CRTAC1: variants seen among roughly 807,000 people sequenced by gnomAD.
CRTAC1 encodes acidic secreted protein in cartilage.
CRTAC1 carries 37 observed loss-of-function variants against 67.8 expected under a neutral mutation model. The observed-to-expected ratio is 0.55, with a 90% CI of 0.42 to 0.72. The LOEUF (loss-of-function observed/expected upper bound fraction) is 0.72, where lower values mean the gene tolerates loss of function less well. Ranked by LOEUF, CRTAC1 falls within the 30% of genes least tolerant of loss-of-function variation. The pLI, the probability that CRTAC1 is intolerant of heterozygous loss-of-function variation, is 0.00. For missense variants in CRTAC1, 780 were observed against 931.6 expected, an observed-to-expected ratio of 0.84 and a Z score of 2.12; for synonymous variants, 348 against 371.0, an observed-to-expected ratio of 0.94 and a Z score of 0.71.
chr10:97,991,612 T>G (rs141151188), intron 2 of CRTAC1, among the ~76,000 whole-genome samples: 1 of 152,172 alleles, frequency 6.6e-6, no homozygotes, highest in African/African-American at 2.4e-5. Flanking sequence ...GCACCTAGTA[T>G]GTGTCAGGTG....
intron 1 of CRTAC1, among the ~76,000 whole-genome samples, chr10:98,015,120 A>G (rs980747376): frequency 6.6e-6 from 1 of 152,270 alleles, no homozygotes; most frequent in Admixed American, 6.5e-5. Context: ...CAGCTTTAAA[A>G]ATGAAGGAAT....
chr10:97,948,249 C>G (rs1267998684), intron 2 of CRTAC1, among the ~76,000 whole-genome samples: 2 of 152,082 alleles, frequency 1.3e-5, no homozygotes, highest in Non-Finnish European at 2.9e-5. Context: ...GGGTAGCCAA[C>G]AGTGTCAGAT....
chr10:97,943,823 G>A (rs922631301), intron 2 of CRTAC1, among the ~76,000 whole-genome samples: 2 of 152,206 alleles, frequency 1.3e-5, no homozygotes, highest in Non-Finnish European at 2.9e-5. Flanking sequence ...AATTGCAATA[G>A]AGACCGTATG....
At chr10:98,027,100 G>A (rs1428083418) in intron 1 of CRTAC1, among the ~76,000 whole-genome samples, 1 of 151,680 alleles carries the variant, frequency 6.6e-6, no homozygotes, top group Admixed American at 6.6e-5. Context: ...CCGGGAGGCG[G>A]AGCTTGCAGT....
intron 2 of CRTAC1, among the ~76,000 whole-genome samples, chr10:97,960,906 C>T (rs917606789): frequency 8.5e-5 from 13 of 152,198 alleles, no homozygotes; most frequent in African/African-American, 2.7e-4. Context: ...AGCTCCTGAT[C>T]CCCACACTAT....
intron 2 of CRTAC1, among the ~76,000 whole-genome samples, chr10:98,003,742 T>C (rs1291172414): frequency 6.6e-6 from 1 of 152,256 alleles, no homozygotes; most frequent in Non-Finnish European, 1.5e-5. Flanking sequence ...GCCATTATTC[T>C]GTCTACCACA....
Position 97,927,222 on chromosome 10 carries a change from G to A in CRTAC1, c.422-3822C>T, listed in dbSNP as rs141555550. ...ACCTCCAGTTCCTCCTGTCCATCCC[G>A]AGCAACATTTCCCAAAGAGTGCTTT... On this transcript the variant is annotated intron_variant, in intron 3 of 14. Coordinates refer to ENST00000370597, the MANE Select transcript of CRTAC1 (RefSeq NM_018058.7). Among the ~76,000 whole-genome samples, 254 of 152,222 alleles carry A rather than the reference G, an allele frequency of 1.7e-3. 1 individual carries two copies. The highest frequency in any genetic ancestry group is 5.8e-3 in the African/African-American group (240 of 41,530).
chr10:98,007,853 G>A (rs771946247), intron 2 of CRTAC1, among the ~76,000 whole-genome samples: 7 of 152,174 alleles, frequency 4.6e-5, no homozygotes, highest in Non-Finnish European at 7.3e-5. Context: ...GGACACAAAG[G>A]CACATTTCTT....
At chr10:97,933,028 G>T (rs560320585) in intron 3 of CRTAC1, among the ~76,000 whole-genome samples, 2 of 152,236 alleles carry the variant, frequency 1.3e-5, no homozygotes, top group African/African-American at 4.8e-5. Context: ...TCCACAGGTC[G>T]CTCTAACACA....
intron 2 of CRTAC1, among the ~76,000 whole-genome samples, chr10:98,003,473 C>T (rs752680209): frequency 1.3e-5 from 2 of 152,200 alleles, no homozygotes; most frequent in Admixed American, 6.5e-5. Context: ...CCACATTCCT[C>T]GGCTCTTGGC....
chr10:97,871,300 GAGTC>G (rs1277344168), intron 14 of CRTAC1: 2 of 152,218 alleles, frequency 1.3e-5, no homozygotes, highest in Non-Finnish European at 2.9e-5. Context: ...ACTGTGAAGA[GAGTC>G]AGAGGGCTGT....
intron 14 of CRTAC1, chr10:97,871,078 G>A (rs988603497): frequency 3.3e-5 from 5 of 152,174 alleles, no homozygotes; most frequent in East Asian, 1.9e-4. Flanking sequence ...CCCAGCCTTC[G>A]GAGGTTTCCG....
In CRTAC1 at chr10:97,895,393, C is replaced by T. The variant is rs764750418; in HGVS notation, c.1338G>A (p.Leu446=). ...CAAACCGGGTGCGTGGCACCACTCGCAGCCAGTTGTTGTTGAAGCCCTGCA... is the reference window on the plus strand; with the variant it reads ...CAAACCGGGTGCGTGGCACCACTCGTAGCCAGTTGTTGTTGAAGCCCTGCA... The part of the protein sequence containing the change: ...RGNQGFNNNW[L]RVVPRTRFGA... Residue 446 remains leucine, a synonymous_variant, in exon 11 of 15, where the codon CTG becomes CTA. Transcript: ENST00000370597. This position sits in a 1 kb window ranked among gnomAD's most constrained non-coding sequence, Gnocchi z 4.2. 6.2e-7 allele frequency: 1 copy of T among 1,608,160 alleles called. No homozygotes were observed. Among genetic ancestry groups the T allele is most frequent in the East Asian group, 2.2e-5 (1 of 44,728 alleles).
In CRTAC1 at chr10:97,903,115, T is replaced by A. The variant is rs187836616; in HGVS notation, c.997-1476A>T. The stretch of plus-strand genomic sequence containing the variant: ...AAATAGGGCATTTATGTATTATTAG[T>A]ATTATTATTGCTCCTGAGAGCTCTG... On this transcript the variant is annotated intron_variant, in intron 7 of 14. Coordinates refer to ENST00000370597, the MANE Select transcript of CRTAC1 (RefSeq NM_018058.7). 7.7e-4 allele frequency among the ~76,000 whole-genome samples: 115 copies of A among 150,312 alleles called. 1 individual carries two copies. The highest frequency in any genetic ancestry group is 5.9e-4 in the Non-Finnish European group (40 of 67,584).
chr10:97,941,675 C>T (rs2051179386), intron 2 of CRTAC1, among the ~76,000 whole-genome samples: 1 of 152,118 alleles, frequency 6.6e-6, no homozygotes, highest in East Asian at 1.9e-4. Flanking sequence ...TCGTTTCTAC[C>T]TCCAAAAATG....
chr10:97,929,361 A>G (rs529173458), intron 3 of CRTAC1, among the ~76,000 whole-genome samples: 140 of 152,228 alleles, frequency 9.2e-4, no homozygotes, highest in Non-Finnish European at 1.7e-3. Context: ...GGGGAACAAG[A>G]GGGCACCTAG....
At chr10:98,025,440 G>A (rs1400234045) in intron 1 of CRTAC1, among the ~76,000 whole-genome samples, 4 of 152,104 alleles carry the variant, frequency 2.6e-5, no homozygotes, top group Non-Finnish European at 5.9e-5. Context: ...CAAGGATTTC[G>A]ATAAGGTAAA....
chr10:97,936,045 G>T (rs1001269051), intron 3 of CRTAC1, 125 bp downstream of exon 3: 2 of 852,778 alleles, frequency 2.3e-6, no homozygotes, highest in Non-Finnish European at 3.6e-6. Flanking sequence ...TGGCAGCAGG[G>T]GGCAGTGCCT....
chr10:97,916,055 A>C (rs942937066), intron 5 of CRTAC1, among the ~76,000 whole-genome samples: 1 of 152,000 alleles, frequency 6.6e-6, no homozygotes, highest in Non-Finnish European at 1.5e-5. Flanking sequence ...CTTCATGCTC[A>C]AACCCAGCCG....
Sources: allele counts gnomAD v4.1 joint callset (sites outside exome capture counted in the v4.1 genomes callset), GRCh38; gene constraint gnomAD v4.1.1; non-coding constraint Gnocchi (gnomAD v3.1); transcripts MANE v1.5; gene names NCBI Gene and HGNC (gene_info 2026-07-23, HGNC 2026-07-21).